The following ATP9B variants were observed in gnomAD, a reference collection of about 807,000 sequenced individuals.
ATP9B encodes ATPase phospholipid transporting 9B.
ATP9B carries 110 observed loss-of-function variants against 146.1 expected under a neutral mutation model. The ratio of observed to expected loss-of-function variants is 0.75; its 90% CI spans 0.65 to 0.88. The LOEUF is 0.88. Ranked by LOEUF, ATP9B falls within the 40% of genes least tolerant of loss-of-function variation. The pLI, the probability that ATP9B is intolerant of heterozygous loss-of-function variation, is 0.00. For synonymous variants in ATP9B, 604 were observed against 569.7 expected, an observed-to-expected ratio of 1.06 and a Z score of -0.86; for missense variants, 1,499 against 1,496.4, an observed-to-expected ratio of 1.00 and a Z score of -0.03.
chr18:79,137,722 C>T (rs1366288489), intron 5 of ATP9B, among the ~76,000 whole-genome samples: 4 of 152,208 alleles, frequency 2.6e-5, no homozygotes, highest in African/African-American at 9.7e-5. Flanking sequence ...GATGCCTGTT[C>T]GTGGCCTCCG....
At chr18:79,178,587 G>A (rs2095211220) in intron 8 of ATP9B, among the ~76,000 whole-genome samples, 2 of 152,100 alleles carry the variant, frequency 1.3e-5, no homozygotes, top group African/African-American at 4.8e-5. Flanking sequence ...ATGGGTGTTA[G>A]ATTTTTCCAA....
chr18:79,249,231 C>T (rs1395837941), intron 11 of ATP9B, among the ~76,000 whole-genome samples: 3 of 152,154 alleles, frequency 2.0e-5, no homozygotes, highest in Admixed American at 6.5e-5. Context: ...GATTTGTGAT[C>T]GTTGCCATTA....
At chr18:79,310,816 T>G (rs944048867) in intron 15 of ATP9B, among the ~76,000 whole-genome samples, 4 of 152,134 alleles carry the variant, frequency 2.6e-5, no homozygotes, top group Non-Finnish European at 5.9e-5. Flanking sequence ...TTAAAAATAC[T>G]TATCTTTTTA....
intron 6 of ATP9B, among the ~76,000 whole-genome samples, chr18:79,150,593 A>G (rs2094673292): frequency 6.6e-6 from 1 of 152,204 alleles, no homozygotes. Context: ...AAAGAAACAA[A>G]AAGTGTCCAT....
intron 21 of ATP9B, among the ~76,000 whole-genome samples, chr18:79,344,936 C>T (rs911174125): frequency 6.6e-6 from 1 of 152,186 alleles, no homozygotes; most frequent in South Asian, 2.1e-4. Context: ...ACTGTGGCAC[C>T]GGGGCTGGTG....
chr18:79,216,668 T>C (rs2095629740), intron 11 of ATP9B, among the ~76,000 whole-genome samples: 4 of 152,214 alleles, frequency 2.6e-5, no homozygotes, highest in Admixed American at 2.6e-4. Context: ...CAGTTTCCGC[T>C]GTGTGGGCAT....
At chr18:79,196,152 C>G (rs753044307) in intron 9 of ATP9B, among the ~76,000 whole-genome samples, 4 of 152,210 alleles carry the variant, frequency 2.6e-5, no homozygotes, top group Non-Finnish European at 5.9e-5. Context: ...CACAGCCTTT[C>G]CAGGAGGCTC....
At chr18:79,211,330 T>G (rs565443963) in intron 10 of ATP9B, among the ~76,000 whole-genome samples, 20 of 152,350 alleles carry the variant, frequency 1.3e-4, no homozygotes, top group African/African-American at 4.6e-4. Flanking sequence ...CTATATAGCC[T>G]GTAGCAAGGA....
At chr18:79,100,433 G>A (rs150723782) in intron 2 of ATP9B, among the ~76,000 whole-genome samples, 30 of 152,116 alleles carry the variant, frequency 2.0e-4, no homozygotes, top group African/African-American at 6.5e-4. Flanking sequence ...TGGACATTTA[G>A]GATTATTAAC....
At chr18:79,121,655 G>C (rs779403831) in intron 4 of ATP9B, among the ~76,000 whole-genome samples, 7 of 152,158 alleles carry the variant, frequency 4.6e-5, no homozygotes, top group Non-Finnish European at 8.8e-5. Flanking sequence ...CATTTCCTTG[G>C]ATAGATACGC....
intron 11 of ATP9B, among the ~76,000 whole-genome samples, chr18:79,237,576 T>G (rs989499029): frequency 3.9e-4 from 59 of 152,370 alleles, no homozygotes; most frequent in African/African-American, 1.3e-3. Flanking sequence ...AGTCTTTTAG[T>G]CAACGAATAT....
intron 1 of ATP9B, among the ~76,000 whole-genome samples, chr18:79,082,192 T>C (rs187248221): frequency 6.6e-6 from 1 of 152,332 alleles, no homozygotes; most frequent in African/African-American, 2.4e-5. Flanking sequence ...TTCCACTTGA[T>C]TTGGCTATTG....
chr18:79,103,214 G>T (rs2075406408), intron 2 of ATP9B, among the ~76,000 whole-genome samples: 1 of 151,698 alleles, frequency 6.6e-6, no homozygotes, highest in Admixed American at 6.6e-5. Flanking sequence ...AAGCAGATAT[G>T]GACTGTGGGT....
Position 79,336,675 on chromosome 18 carries a change from G to A in ATP9B, c.2076G>A (p.Lys692=). ...REGLRTLVVA[K]KALTEEQYQD... ...GACTGCGGACCCTCGTGGTTGCAAA[G>A]AAGGCGTTGACAGAGGAGCAGTACC... Residue 692 remains lysine (K), a synonymous_variant, in exon 18 of 30, where the codon AAG becomes AAA. Transcript: ENST00000426216. 1 of 1,613,718 alleles carries A rather than the reference G, an allele frequency of 6.2e-7. No individual in the cohort carries two copies. The highest frequency in any genetic ancestry group is 8.5e-7 in the Non-Finnish European group (1 of 1,179,894).
chr18:79,222,176 G>A (rs529509423), intron 11 of ATP9B, among the ~76,000 whole-genome samples: 2 of 151,806 alleles, frequency 1.3e-5, no homozygotes, highest in Admixed American at 6.6e-5. Context: ...TGCCCAATAT[G>A]GTGAAACCCC....
intron 11 of ATP9B, among the ~76,000 whole-genome samples, chr18:79,252,983 C>T (rs372045638): frequency 6.6e-6 from 1 of 152,182 alleles, no homozygotes; most frequent in East Asian, 1.9e-4. Flanking sequence ...AAGGAAGACC[C>T]GCCTGCGCCC....
At chr18:79,209,637 T>G in intron 10 of ATP9B, 1 of 985,314 alleles carries the variant, frequency 1.0e-6, no homozygotes, top group African/African-American at 1.7e-5. Context: ...CATTCTGTTC[T>G]CTTTGCCATC....
At chr18:79,154,474 A>T in intron 6 of ATP9B, 30 bp from the exon 7 acceptor site, 1 of 1,480,324 alleles carries the variant, frequency 6.8e-7, no homozygotes. Context: ...CTGCATATAG[A>T]TAATTAATCT....
chr18:79,179,615 G>T (rs1476740665), intron 8 of ATP9B, among the ~76,000 whole-genome samples: 1 of 151,992 alleles, frequency 6.6e-6, no homozygotes, highest in Non-Finnish European at 1.5e-5. Context: ...CCAATGTCTG[G>T]TAATTTATTG....
Sources: allele counts gnomAD v4.1 joint callset (sites outside exome capture counted in the v4.1 genomes callset), GRCh38; gene constraint gnomAD v4.1.1; transcripts MANE v1.5; gene names NCBI Gene and HGNC (gene_info 2026-07-23, HGNC 2026-07-21).